ADRA1A: variants seen among roughly 807,000 people sequenced by gnomAD.
ADRA1A encodes adrenoceptor alpha 1A.
Under a neutral mutation model 29.6 loss-of-function variants are expected in ADRA1A, and 31 were observed. The ratio of observed to expected loss-of-function variants is 1.05; its 90% CI spans 0.79 to 1.41. ADRA1A has a LOEUF of 1.41. Among genes scored for constraint, ADRA1A ranks in the 40% most tolerant of loss-of-function variants. The pLI, the probability that ADRA1A is intolerant of heterozygous loss-of-function variation, is 0.00. For synonymous variants in ADRA1A, 311 were observed against 254.3 expected (o/e 1.22, Z -2.12); for missense variants, 619 against 601.1 (o/e 1.03, Z -0.31).
At chr8:26,824,374 C>T (rs551522160) in intron 2 of ADRA1A, among the ~76,000 whole-genome samples, 31 of 152,094 alleles carry the variant, frequency 2.0e-4, no homozygotes, top group South Asian at 4.2e-4. Context: ...GTTGCATGCC[C>T]GCCGGGAAGC....
chr8:26,798,513 G>T (rs61761837), intron 2 of ADRA1A, among the ~76,000 whole-genome samples: 1 of 152,050 alleles, frequency 6.6e-6, no homozygotes, highest in Non-Finnish European at 1.5e-5. Context: ...ATTTACTTTT[G>T]TTCAAAGGAC....
At chr8:26,842,232 C>T (rs934247373) in intron 2 of ADRA1A, among the ~76,000 whole-genome samples, 2 of 152,166 alleles carry the variant, frequency 1.3e-5, no homozygotes, top group Non-Finnish European at 2.9e-5. Context: ...GACTGCAAAA[C>T]TGAATTTTTA....
intron 2 of ADRA1A, among the ~76,000 whole-genome samples, chr8:26,840,585 C>T (rs549511438): frequency 6.7e-6 from 1 of 149,792 alleles, no homozygotes; most frequent in African/African-American, 2.5e-5. Flanking sequence ...TGAACTTTAG[C>T]GTTCTTTTTT....
chr8:26,790,398 T>A (rs922424803), intron 2 of ADRA1A, among the ~76,000 whole-genome samples: 1 of 152,068 alleles, frequency 6.6e-6, no homozygotes, highest in Non-Finnish European at 1.5e-5. Context: ...ATGCAGAAGC[T>A]AAAAAAGTTG....
At chr8:26,833,327 A>T (rs535756512) in intron 2 of ADRA1A, among the ~76,000 whole-genome samples, 1 of 152,210 alleles carries the variant, frequency 6.6e-6, no homozygotes, top group African/African-American at 2.4e-5. Context: ...GAGAACTCTG[A>T]CTGCCTTCTA....
chr8:26,779,031 T>G (rs1010604442), intron 2 of ADRA1A: 1 of 252,498 alleles, frequency 4.0e-6, no homozygotes, highest in African/African-American at 2.2e-5. Context: ...AAGAGTAATC[T>G]TCAAACTCAC....
At chr8:26,801,079 G>A (rs913439050) in intron 2 of ADRA1A, among the ~76,000 whole-genome samples, 12 of 151,940 alleles carry the variant, frequency 7.9e-5, no homozygotes, top group Non-Finnish European at 1.2e-4. Context: ...ATTCAACATC[G>A]CTTCATGATA....
chr8:26,752,963 T>C (rs753232451), downstream of ADRA1A, among the ~76,000 whole-genome samples: 11 of 152,218 alleles, frequency 7.2e-5, no homozygotes, highest in Non-Finnish European at 1.3e-4. Flanking sequence ...TTTGGAGATG[T>C]TGAAACATTG....
At chr8:26,749,126 C>T (rs1396021390) in intron 2 of ADRA1A, among the ~76,000 whole-genome samples, 2 of 152,176 alleles carry the variant, frequency 1.3e-5, no homozygotes, top group Non-Finnish European at 2.9e-5. Flanking sequence ...ACACTCATGG[C>T]CCCTAAAAAT....
At chr8:26,756,329 C>T, downstream of ADRA1A, 4 of 719,222 alleles carry the variant, frequency 5.6e-6, no homozygotes, top group Non-Finnish European at 7.8e-6. Context: ...ATATTTTAAC[C>T]CATAAAAGTT....
chr8:26,832,140 G>T (rs1381005026), intron 2 of ADRA1A, among the ~76,000 whole-genome samples: 1 of 152,202 alleles, frequency 6.6e-6, no homozygotes, highest in Non-Finnish European at 1.5e-5. Flanking sequence ...AGTTGGGAAC[G>T]AAGTCTTTGG....
Position 26,815,894 on chromosome 8 carries a change from A to G in ADRA1A, c.884-45228T>C, listed in dbSNP as rs1237404873. On this transcript the variant is annotated intron_variant, in intron 2 of 2. Transcript: ENST00000380573. The surrounding 1 kb of genome is among the most constrained non-coding windows in gnomAD (Gnocchi z 4.2). ...TCTGGAGAGGTTCCAGGGCAGAAGG[A>G]ATGAGAGAAAAGGGAAATGAGACAG... Among the ~76,000 whole-genome samples the G allele has an allele frequency of 6.6e-6, 1 of 152,142 alleles. No individual in the cohort carries two copies. Among genetic ancestry groups the G allele is most frequent in the African/African-American group, 2.4e-5 (1 of 41,430 alleles).
chr8:26,771,688 G>T (rs933953522), intron 2 of ADRA1A: 1 of 152,454 alleles, frequency 6.6e-6, no homozygotes, highest in Admixed American at 6.5e-5. Context: ...CTGCCGCCAA[G>T]ATGCTCTGCC....
At chr8:26,758,614 A>G (rs1408780752) in intron 2 of ADRA1A, among the ~76,000 whole-genome samples, 1 of 152,244 alleles carries the variant, frequency 6.6e-6, no homozygotes, top group Non-Finnish European at 1.5e-5. Context: ...AAATAGGTAC[A>G]GAGATGGGAA....
chr8:26,770,451 C>G lies in ADRA1A; in HGVS notation c.1099G>C (p.Val367Leu), dbSNP rs528677959. 3 of 1,614,186 alleles carry G rather than the reference C, an allele frequency of 1.9e-6. No individual in the cohort carries two copies. In the Middle Eastern group the frequency reaches 4.9e-4, roughly 266 times the overall value. ...ACCATGTCCTTGTGTTGCCCTTCCACGGCCTGGCTGGGCGGGTGCAGGGTG... is the reference window on the plus strand; with the variant it reads ...ACCATGTCCTTGTGTTGCCCTTCCAGGGCCTGGCTGGGCGGGTGCAGGGTG... Reference protein sequence around the residue: ...GYTLHPPSQAVEGQHKDMVRI... With the variant: ...GYTLHPPSQALEGQHKDMVRI... Residue 367 changes from valine (V) to leucine (L), a missense_variant, in exon 3 of 3, where the codon GTG (valine) becomes CTG (leucine). Transcript: ENST00000380573.
rs536741887 is a variant in ADRA1A, at chr8:26,848,687, G to A, written c.883+15400C>T. Among the ~76,000 whole-genome samples the A allele has an allele frequency of 2.0e-5, 3 of 152,244 alleles. No homozygotes were observed. Among genetic ancestry groups the A allele is most frequent in the East Asian group, 3.9e-4 (2 of 5,162 alleles). ...CGCTTGACATCACACACATCCTCAG[G>A]TGTGTGAATGGTTTCACTTCTTCTT... On this transcript the variant is annotated intron_variant, in intron 2 of 2. Transcript: ENST00000380573. The surrounding 1 kb of genome is among the most constrained non-coding windows in gnomAD (Gnocchi z 4.3).
intron 2 of ADRA1A, among the ~76,000 whole-genome samples, chr8:26,777,835 C>T (rs941469801): frequency 8.5e-5 from 13 of 152,214 alleles, no homozygotes; most frequent in Non-Finnish European, 1.5e-4. Context: ...CCGAAGGAGA[C>T]AGGCTCAGGG....
rs1192999671 is a variant in ADRA1A, at chr8:26,865,925, CCAG to C, written c.-686-273_-686-271del. Reference sequence around the variant, plus strand: ...AACAAAAAAACAAATCCCCAAAACCCCAGGCTCCAGCGCTCGAAGTCTGGATTT... The same window carrying C: ...AACAAAAAAACAAATCCCCAAAACCCGCTCCAGCGCTCGAAGTCTGGATTT... On this transcript the variant is annotated intron_variant, in intron 1 of 2. Coordinates refer to ENST00000380573, the MANE Select transcript of ADRA1A (RefSeq NM_000680.4). This position sits in a 1 kb window ranked among gnomAD's most constrained non-coding sequence, Gnocchi z 7.6. Among the ~76,000 whole-genome samples, 1 of 152,174 alleles carries C rather than the reference CCAG, an allele frequency of 6.6e-6. No homozygotes were observed. The highest frequency in any genetic ancestry group is 2.4e-5 in the African/African-American group (1 of 41,442).
rs1227191025 is a variant in ADRA1A, at chr8:26,825,012, C to T, written c.883+39075G>A. Among the ~76,000 whole-genome samples, 2 of 147,554 alleles carry T rather than the reference C, an allele frequency of 1.4e-5. No individual in the cohort carries two copies. The highest frequency in any genetic ancestry group is 3.0e-5 in the Non-Finnish European group (2 of 66,408). On this transcript the variant is annotated intron_variant, in intron 2 of 2. Transcript: ENST00000380573. This position sits in a 1 kb window ranked among gnomAD's most constrained non-coding sequence, Gnocchi z 5.7. ...GGCATCGTAGTTCTTCTTGAACTAGCCGGCAGATCTGCAGTGTGGAATTGA... is the reference window on the plus strand; with the variant it reads ...GGCATCGTAGTTCTTCTTGAACTAGTCGGCAGATCTGCAGTGTGGAATTGA...
Sources: allele counts gnomAD v4.1 joint callset (sites outside exome capture counted in the v4.1 genomes callset), GRCh38; gene constraint gnomAD v4.1.1; non-coding constraint Gnocchi (gnomAD v3.1); transcripts MANE v1.5; gene names NCBI Gene and HGNC (gene_info 2026-07-23, HGNC 2026-07-21).